Variants in DENND1A observed in about 807,000 individuals in gnomAD.
DENND1A encodes the protein DENN domain-containing protein 1A.
DENND1A carries 51 observed loss-of-function variants against 113.7 expected under a neutral mutation model. That is an observed-to-expected ratio of 0.45 (90% CI 0.36 to 0.57). The LOEUF (loss-of-function observed/expected upper bound fraction) is 0.57, where lower values mean the gene tolerates loss of function less well. Among genes scored for constraint, DENND1A ranks in the 20% least tolerant of loss-of-function variants. The probability of loss-of-function intolerance (pLI) is 0.00; values close to 1 mark genes in which losing one functional copy is unlikely to be tolerated. For missense variants in DENND1A, 1,258 were observed against 1,395.9 expected (o/e 0.90, Z 1.57); for synonymous variants, 565 against 570.8 (o/e 0.99, Z 0.14).
At chr9:123,672,002 T>A (rs2063787827) in intron 6 of DENND1A, among the ~76,000 whole-genome samples, 1 of 152,230 alleles carries the variant, frequency 6.6e-6, no homozygotes, top group African/African-American at 2.4e-5. Flanking sequence ...CCAAATGCTA[T>A]TTCTCCCACC....
intron 1 of DENND1A, among the ~76,000 whole-genome samples, chr9:123,927,928 C>A (rs765727464): frequency 6.6e-6 from 1 of 152,216 alleles, no homozygotes; most frequent in Non-Finnish European, 1.5e-5. Flanking sequence ...TAGCTACAGG[C>A]AGAAGTTGCA....
rs186711711 is a variant in DENND1A, at chr9:123,921,517, C to G, written c.17+8372G>C. 2.0e-5 allele frequency among the ~76,000 whole-genome samples: 3 copies of G among 152,324 alleles called. No individual in the cohort carries two copies. In the East Asian group the frequency reaches 5.8e-4, roughly 29 times the overall value. ...TTTATTCATACAGCCTATGCGAGAT[C>G]AATGCAACACCCTCAAACCTTTCCT... is the stretch of plus-strand genomic sequence containing the variant. On this transcript the variant is annotated intron_variant, in intron 1 of 23. Coordinates refer to ENST00000394215, the MANE Select transcript of DENND1A (RefSeq NM_001352964.2).
chr9:123,726,806 C>A (rs1403089418), intron 5 of DENND1A, among the ~76,000 whole-genome samples: 1 of 152,114 alleles, frequency 6.6e-6, no homozygotes, highest in Non-Finnish European at 1.5e-5. Flanking sequence ...TTAAGGAAAC[C>A]CACATAAACA....
chr9:123,654,592 A>G (rs996439720), intron 8 of DENND1A, among the ~76,000 whole-genome samples: 1 of 152,240 alleles, frequency 6.6e-6, no homozygotes, highest in Admixed American at 6.5e-5. Context: ...CCCATCTCCA[A>G]TCAGATTCTG....
chr9:123,851,741 G>A (rs1185681946), intron 2 of DENND1A, among the ~76,000 whole-genome samples: 1 of 152,224 alleles, frequency 6.6e-6, no homozygotes, highest in Non-Finnish European at 1.5e-5. Flanking sequence ...CAACAAAGGA[G>A]TTTTTAAGAG....
intron 1 of DENND1A, among the ~76,000 whole-genome samples, chr9:123,904,431 G>C: frequency 6.7e-6 from 1 of 150,150 alleles, no homozygotes; most frequent in East Asian, 1.9e-4. Flanking sequence ...AGCTACGGGA[G>C]GACATTCAAA....
intron 8 of DENND1A, among the ~76,000 whole-genome samples, chr9:123,664,228 G>T (rs2063387643): frequency 6.6e-6 from 1 of 152,150 alleles, no homozygotes; most frequent in Non-Finnish European, 1.5e-5. Flanking sequence ...AAACCTGATA[G>T]ATTTTTTTGA....
chr9:123,906,109 T>G (rs1235794242), intron 1 of DENND1A, among the ~76,000 whole-genome samples: 1 of 152,048 alleles, frequency 6.6e-6, no homozygotes. Flanking sequence ...GAATGACTAC[T>G]GGATACATAA....
rs547926351 is a variant in DENND1A at position 123,410,108 on chromosome 9, C to CA, written c.1542+1667dup. On this transcript the variant is annotated intron_variant, in intron 20 of 23. Coordinates refer to ENST00000394215, the MANE Select transcript of DENND1A (RefSeq NM_001352964.2). Reference sequence around the variant, plus strand: ...CTCCATCTCAAAACAAACAAACAAACAAAAAAAAACTCTTACTGTGTGTGT... The same window carrying CA: ...CTCCATCTCAAAACAAACAAACAAACAAAAAAAAAACTCTTACTGTGTGTGT... Among the ~76,000 whole-genome samples, 537 of 150,926 alleles carry CA rather than the reference C, an allele frequency of 3.6e-3. 3 individuals are homozygous for CA. The highest frequency in any genetic ancestry group is 4.5e-3 in the Non-Finnish European group (302 of 67,564).
chr9:123,823,850 G>T (rs967340342), intron 2 of DENND1A, among the ~76,000 whole-genome samples: 6 of 152,150 alleles, frequency 3.9e-5, no homozygotes, highest in Non-Finnish European at 7.4e-5. Context: ...GGAGGGAAAA[G>T]AGAACAATTC....
chr9:123,897,735 A>G (rs1423466136), intron 1 of DENND1A, among the ~76,000 whole-genome samples: 1 of 152,108 alleles, frequency 6.6e-6, no homozygotes, highest in Non-Finnish European at 1.5e-5. Flanking sequence ...TTGAGAGGCC[A>G]AGAGAGAGGA....
intron 3 of DENND1A, among the ~76,000 whole-genome samples, chr9:123,790,534 C>T (rs933551682): frequency 6.6e-6 from 1 of 152,092 alleles, no homozygotes; most frequent in Non-Finnish European, 1.5e-5. Flanking sequence ...ATGATTTCAA[C>T]AAAGAAAACA....
At chr9:123,526,083 T>C (rs577473420) in intron 13 of DENND1A, among the ~76,000 whole-genome samples, 1 of 152,128 alleles carries the variant, frequency 6.6e-6, no homozygotes, top group East Asian at 1.9e-4. Flanking sequence ...TCAAACCTTC[T>C]CCAGTCTCCC....
intron 3 of DENND1A, among the ~76,000 whole-genome samples, chr9:123,791,167 A>G (rs1029346219): frequency 4.6e-5 from 7 of 152,202 alleles, no homozygotes; most frequent in Non-Finnish European, 1.0e-4. Context: ...CAGATCATGG[A>G]ACTACAAAGG....
chr9:123,421,681 C>T (rs2045318271), intron 19 of DENND1A, among the ~76,000 whole-genome samples: 1 of 152,198 alleles, frequency 6.6e-6, no homozygotes, highest in African/African-American at 2.4e-5. Flanking sequence ...TCCACCCTAA[C>T]AGGATGCAAC....
intron 3 of DENND1A, among the ~76,000 whole-genome samples, chr9:123,776,332 T>C (rs1364216666): frequency 6.6e-6 from 1 of 152,176 alleles, no homozygotes; most frequent in Non-Finnish European, 1.5e-5. Flanking sequence ...AGTTACAGTT[T>C]CCAAAAAGTA....
chr9:123,928,622 A>G (rs536942108), intron 1 of DENND1A: 1 of 985,430 alleles, frequency 1.0e-6, no homozygotes, highest in Non-Finnish European at 1.2e-6. Flanking sequence ...AGTTTCATTC[A>G]GCAGATGTCT....
intron 2 of DENND1A, among the ~76,000 whole-genome samples, chr9:123,794,722 C>A (rs1449482561): frequency 6.6e-6 from 1 of 152,098 alleles, no homozygotes; most frequent in African/African-American, 2.4e-5. Flanking sequence ...CTTCTTAAAT[C>A]TTTTCAGTCA....
intron 5 of DENND1A, among the ~76,000 whole-genome samples, chr9:123,749,614 G>A (rs1448482714): frequency 6.6e-6 from 1 of 152,184 alleles, no homozygotes; most frequent in Non-Finnish European, 1.5e-5. Context: ...GCTGATAAAT[G>A]TTAATTCCTG....
Sources: gnomAD v4.1 joint callset for allele counts (sites outside exome capture counted in the v4.1 genomes callset) on GRCh38, gnomAD v4.1.1 for gene constraint, MANE v1.5 for transcripts, NCBI Gene and HGNC (gene_info 2026-07-23, HGNC 2026-07-21) for gene names.